ENOX2: variants seen among roughly 807,000 people sequenced by gnomAD.
ENOX2 encodes APK1 antigen.
In ENOX2, 36 loss-of-function variants were observed where a neutral mutation model predicts 45.0. The observed-to-expected ratio is 0.80, with a 90% CI of 0.61 to 1.06. The LOEUF is 1.06. ENOX2 is among the 50% of genes least tolerant of loss of function. ENOX2 has a pLI of 0.00. For synonymous variants in ENOX2, 174 were observed against 152.3 expected (o/e 1.14, Z -1.05); for missense variants, 423 against 462.5 (o/e 0.91, Z 0.78).
chrX:130,859,955 G>A (rs2078382271), intron 2 of ENOX2, among the ~76,000 whole-genome samples: 1 of 109,468 alleles, frequency 9.1e-6, no homozygotes. Context: ...TGTCTTCTCC[G>A]AAACTATTTT....
intron 3 of ENOX2, among the ~76,000 whole-genome samples, chrX:130,743,503 ACT>A (rs2039031411): frequency 9.4e-6 from 1 of 106,638 alleles, no homozygotes; most frequent in African/African-American, 3.5e-5. Context: ...AAAGAGTCTC[ACT>A]CTGTCACCCA....
intron 2 of ENOX2, among the ~76,000 whole-genome samples, chrX:130,849,578 C>A (rs2078172432): frequency 8.9e-6 from 1 of 112,216 alleles, no homozygotes; most frequent in African/African-American, 3.2e-5. Flanking sequence ...TTTTAACATT[C>A]TTTCTTTCAG....
At chrX:130,901,033 T>C (rs1230634693) in intron 2 of ENOX2, among the ~76,000 whole-genome samples, 1 of 112,761 alleles carries the variant, frequency 8.9e-6, no homozygotes, top group Non-Finnish European at 1.9e-5. Flanking sequence ...AAGAGAATCA[T>C]CTAATTCAGA....
intron 10 of ENOX2, among the ~76,000 whole-genome samples, chrX:130,648,646 G>A (rs2036309392): frequency 9.1e-6 from 1 of 110,387 alleles, no homozygotes; most frequent in African/African-American, 3.3e-5. Context: ...TATCCCTAAT[G>A]TGGTGGTGTT....
chrX:130,796,257 TGAG>T (rs1173232621), intron 2 of ENOX2, among the ~76,000 whole-genome samples: 3 of 111,228 alleles, frequency 2.7e-5, no homozygotes, highest in Admixed American at 1.9e-4. Context: ...ATCTGGGAGT[TGAG>T]GAGAAGAGAG....
chrX:130,799,140 T>C (rs1409199231), intron 2 of ENOX2, among the ~76,000 whole-genome samples: 2 of 111,507 alleles, frequency 1.8e-5, no homozygotes, highest in African/African-American at 3.3e-5. Context: ...GTGGGTGCCA[T>C]CTAATCAGCT....
intron 2 of ENOX2, among the ~76,000 whole-genome samples, chrX:130,876,395 C>T (rs1028849607): frequency 4.5e-5 from 5 of 111,500 alleles, no homozygotes; most frequent in Non-Finnish European, 7.5e-5. Context: ...CCAGAATAGG[C>T]AAATCTATAG....
At chrX:130,716,804 C>A (rs1045395232) in intron 3 of ENOX2, among the ~76,000 whole-genome samples, 3 of 112,483 alleles carry the variant, frequency 2.7e-5, no homozygotes, top group Non-Finnish European at 5.6e-5. Flanking sequence ...TATTTTAATA[C>A]AGCAACAGTA....
intron 3 of ENOX2, 36 bp downstream of exon 3, chrX:130,783,511 T>G (rs2076924257): frequency 3.1e-6 from 1 of 321,059 alleles, no homozygotes; most frequent in African/African-American, 2.7e-5. Context: ...TTGACTCTGG[T>G]ACTGGCTTAA....
chrX:130,734,839 A>G (rs1318086483), intron 3 of ENOX2, among the ~76,000 whole-genome samples: 3 of 112,095 alleles, frequency 2.7e-5, no homozygotes, highest in Admixed American at 9.4e-5. Flanking sequence ...ATCATTAAAC[A>G]TTTGATTAAC....
At chrX:130,766,718 C>A (rs1031915281) in intron 3 of ENOX2, among the ~76,000 whole-genome samples, 1 of 111,718 alleles carries the variant, frequency 9.0e-6, no homozygotes, top group Non-Finnish European at 1.9e-5. Flanking sequence ...TGACATGCTA[C>A]CTCTGTCACA....
chrX:130,709,771 GT>G (rs201175928), intron 3 of ENOX2, among the ~76,000 whole-genome samples: 29 of 106,858 alleles, frequency 2.7e-4, no homozygotes, highest in East Asian at 8.7e-4. Flanking sequence ...ATGAATAATA[GT>G]TTTTTTTTTA....
chrX:130,745,204 CAG>C (rs1238692027), intron 3 of ENOX2, among the ~76,000 whole-genome samples: 1 of 111,814 alleles, frequency 8.9e-6, no homozygotes, highest in Non-Finnish European at 1.9e-5. Context: ...GTTGAGAAAA[CAG>C]AGTCTTAAGA....
At chrX:130,735,387 A>G (rs752881524) in intron 3 of ENOX2, among the ~76,000 whole-genome samples, 1 of 112,145 alleles carries the variant, frequency 8.9e-6, no homozygotes, top group South Asian at 3.8e-4. Flanking sequence ...ACAAAAACCT[A>G]TTGAGATGCA....
At chrX:130,679,099 T>C (rs1300148872) in intron 6 of ENOX2, among the ~76,000 whole-genome samples, 1 of 110,688 alleles carries the variant, frequency 9.0e-6, no homozygotes, top group Non-Finnish European at 1.9e-5. Context: ...CTGGGCAGAG[T>C]GGGGAGACAG....
intron 2 of ENOX2, among the ~76,000 whole-genome samples, chrX:130,798,242 G>A (rs997063192): frequency 1.8e-4 from 20 of 111,674 alleles, no homozygotes; most frequent in African/African-American, 5.5e-4. Context: ...ATAGCAAGAC[G>A]TCCATCTCTA....
At chrX:130,799,641 G>A (rs190995741) in intron 2 of ENOX2, among the ~76,000 whole-genome samples, 2 of 111,574 alleles carry the variant, frequency 1.8e-5, no homozygotes, top group East Asian at 5.6e-4. Flanking sequence ...AGTTTCCTCA[G>A]CTGAAAAATG....
intron 2 of ENOX2, among the ~76,000 whole-genome samples, chrX:130,817,120 T>A (rs1317586164): frequency 8.9e-6 from 1 of 111,790 alleles, no homozygotes; most frequent in African/African-American, 3.3e-5. Context: ...CAAACTACCA[T>A]CAGAGAATAG....
rs774318216 is a variant in ENOX2 at position 130,711,396 on chromosome X, G to A, written c.-38-8142C>T. On this transcript the variant is annotated intron_variant, in intron 3 of 14. Transcript: ENST00000394363. ...CACAGCTTGCATCACGGTGATGCAG[G>A]TGAGAGAACTGACAGGGGCTTTTGT... Among the ~76,000 whole-genome samples the A allele has an allele frequency of 2.7e-5, 3 of 111,181 alleles. No homozygotes were observed. In the East Asian group the frequency reaches 8.5e-4, roughly 31 times the overall value.
Sources: gnomAD v4.1 joint callset for allele counts (sites outside exome capture counted in the v4.1 genomes callset) on GRCh38, gnomAD v4.1.1 for gene constraint, MANE v1.5 for transcripts, NCBI Gene and HGNC (gene_info 2026-07-23, HGNC 2026-07-21) for gene names.